POTEF: variants seen among roughly 807,000 people sequenced by gnomAD.
POTEF encodes the protein POTE ankyrin domain family member F.
In POTEF, 20 loss-of-function variants were observed where a neutral mutation model predicts 83.2. The observed-to-expected ratio is 0.24, with a 90% CI of 0.17 to 0.35. The LOEUF (loss-of-function observed/expected upper bound fraction) is 0.35. POTEF is among the 10% of genes least tolerant of loss of function. The probability of loss-of-function intolerance (pLI) is 1.00; values close to 1 mark genes in which losing one functional copy is unlikely to be tolerated. For synonymous variants in POTEF, 196 were observed against 446.4 expected, an observed-to-expected ratio of 0.44 and a Z score of 7.07; for missense variants, 550 against 1,203.2, an observed-to-expected ratio of 0.46 and a Z score of 8.03.
chr2:130,108,900 T>C (rs1684624333), intron 7 of POTEF, among the ~76,000 whole-genome samples: 1 of 151,148 alleles, frequency 6.6e-6, no homozygotes, highest in South Asian at 2.1e-4. Context: ...GTTAGGATAA[T>C]GCTTTATATT....
chr2:130,128,373 C>T (rs1392470959), intron 1 of POTEF, among the ~76,000 whole-genome samples: 1 of 151,884 alleles, frequency 6.6e-6, no homozygotes. Flanking sequence ...AAGAGTCACC[C>T]GAAGGAGCAA....
At chr2:130,123,260 C>CTG (rs886433791) in intron 2 of POTEF, among the ~76,000 whole-genome samples, 1 of 146,832 alleles carries the variant, frequency 6.8e-6, no homozygotes, top group African/African-American at 2.6e-5. Flanking sequence ...TGACTTTGAA[C>CTG]TGTGGTCTCT....
At chr2:130,126,094 G>A (rs1480807927) in intron 2 of POTEF, among the ~76,000 whole-genome samples, 1 of 149,926 alleles carries the variant, frequency 6.7e-6, no homozygotes, top group Non-Finnish European at 1.5e-5. Flanking sequence ...ACTTGAAGTC[G>A]GGAGTTCAAG....
rs577726006 is a variant in POTEF at position 130,103,162 on chromosome 2, G to A, written c.1127-982C>T. Among the ~76,000 whole-genome samples, 338 of 144,290 alleles carry A rather than the reference G, an allele frequency of 2.3e-3. 10 individuals carry two copies. Among genetic ancestry groups the A allele is most frequent in the African/African-American group, 8.1e-3 (302 of 37,294 alleles). The allele number at this position is 144,290 out of a possible 152,430, so 94.7% of individuals were successfully genotyped here. A position where few individuals can be genotyped will look rare whatever the true frequency, so the allele number is the denominator to read the frequency against. Reference sequence around the variant, plus strand: ...TGTCACCAGGCTGGAGTGCAGTGGCGCAATCTCAGCTCACTGCAACCTCTG... The same window carrying A: ...TGTCACCAGGCTGGAGTGCAGTGGCACAATCTCAGCTCACTGCAACCTCTG... On this transcript the variant is annotated intron_variant, in intron 8 of 16. Coordinates refer to ENST00000409914, the MANE Select transcript of POTEF (RefSeq NM_001099771.2).
intron 7 of POTEF, chr2:130,109,557 G>A (rs1186177420): frequency 1.3e-5 from 2 of 151,344 alleles, no homozygotes; most frequent in African/African-American, 2.5e-5. Flanking sequence ...AGGTTCATAC[G>A]GGACTTTCTA....
At chr2:130,103,567 C>T (rs1466524171) in intron 8 of POTEF, among the ~76,000 whole-genome samples, 1 of 142,140 alleles carries the variant, frequency 7.0e-6, no homozygotes, top group Admixed American at 7.3e-5. Flanking sequence ...ATGTCTGTCC[C>T]GTCTGCTCCA....
At chr2:130,101,208 T>C (rs1241576104) in intron 9 of POTEF, among the ~76,000 whole-genome samples, 1 of 146,146 alleles carries the variant, frequency 6.8e-6, no homozygotes, top group African/African-American at 2.7e-5. Context: ...GTAGGCACCA[T>C]TTAAATTATT....
At chr2:130,117,390 G>T (rs1684870638) in intron 3 of POTEF, among the ~76,000 whole-genome samples, 1 of 151,712 alleles carries the variant, frequency 6.6e-6, no homozygotes, top group Admixed American at 6.6e-5. Flanking sequence ...TCTTCCCAAG[G>T]ATTATTGCAT....
chr2:130,120,803 C>A (rs1684983567), intron 2 of POTEF, 195 bp from the exon 3 acceptor site: 2 of 542,264 alleles, frequency 3.7e-6, no homozygotes, highest in East Asian at 6.5e-5. Context: ...CAAGGGAATG[C>A]CAAACCCAGC....
At chr2:130,121,014 C>CCG in intron 2 of POTEF, 1 of 221,246 alleles carries the variant, frequency 4.5e-6, no homozygotes, top group African/African-American at 3.0e-5. Context: ...TACGCGCGTG[C>CCG]GGCGTGCGCG....
intron 5 of POTEF, among the ~76,000 whole-genome samples, chr2:130,113,920 CAT>C (rs1329070652): frequency 1.3e-5 from 2 of 151,900 alleles, no homozygotes; most frequent in Non-Finnish European, 1.5e-5. Flanking sequence ...GAAAACACCA[CAT>C]GATTTTCCCC....
At chr2:130,111,409 T>C (rs1194135090) in intron 6 of POTEF, among the ~76,000 whole-genome samples, 1 of 151,804 alleles carries the variant, frequency 6.6e-6, no homozygotes, top group Non-Finnish European at 1.5e-5. Flanking sequence ...ACTCCCTCTC[T>C]CCATACCAAT....
intron 8 of POTEF, among the ~76,000 whole-genome samples, chr2:130,107,336 G>A (rs878867170): frequency 6.6e-6 from 1 of 151,030 alleles, no homozygotes; most frequent in Admixed American, 6.6e-5. Context: ...AATGAAGTCA[G>A]TAATAGTGAG....
chr2:130,127,364 C>G (rs1241183022), intron 2 of POTEF, among the ~76,000 whole-genome samples: 1 of 138,988 alleles, frequency 7.2e-6, no homozygotes, highest in Non-Finnish European at 1.5e-5. Flanking sequence ...CACACACACA[C>G]ACACACAGTC....
chr2:130,104,946 A>G (rs1419317119), intron 8 of POTEF, among the ~76,000 whole-genome samples: 2 of 151,116 alleles, frequency 1.3e-5, no homozygotes, highest in Non-Finnish European at 2.9e-5. Context: ...TGAATTTTCC[A>G]TTAAACGTGC....
intron 3 of POTEF, among the ~76,000 whole-genome samples, chr2:130,118,092 C>T (rs1351504177): frequency 6.6e-6 from 1 of 151,748 alleles, no homozygotes; most frequent in Non-Finnish European, 1.5e-5. Flanking sequence ...AGGTGCGTGC[C>T]ACCATGCCCA....
Position 130,075,030 on chromosome 2 carries a change from G to A in POTEF, c.2442C>T (p.Ala814=), listed in dbSNP as rs868140472. The change falls in exon 17 of 17, where the codon GCC becomes GCT. Residue 814 remains alanine (A), a synonymous_variant. Transcript: ENST00000409914. ...LLTEATLNPK[A]NREKMTQIMF... is the part of the protein sequence containing the mutation. ...TGATCTGGGTCATCTTCTCGCGGTT[G>A]GCCTTAGGGTTCAGGGTGGCCTCGG... 6.2e-7 allele frequency: 1 copy of A among 1,613,728 alleles called. No homozygotes were observed. Among genetic ancestry groups the A allele is most frequent in the Non-Finnish European group, 8.5e-7 (1 of 1,179,940 alleles).
chr2:130,083,343 A>AG (rs1683942136), intron 15 of POTEF, among the ~76,000 whole-genome samples: 1 of 152,226 alleles, frequency 6.6e-6, no homozygotes, highest in Non-Finnish European at 1.5e-5. Flanking sequence ...TTAAAAAAAA[A>AG]AAAATTATGA....
At chr2:130,085,493 T>C in intron 15 of POTEF, among the ~76,000 whole-genome samples, 1 of 81,022 alleles carries the variant, frequency 1.2e-5, no homozygotes, top group Non-Finnish European at 2.4e-5. Flanking sequence ...GGTGAAATAA[T>C]CTGTACCCCA....
Sources: allele counts gnomAD v4.1 joint callset (sites outside exome capture counted in the v4.1 genomes callset), GRCh38; gene constraint gnomAD v4.1.1; transcripts MANE v1.5; gene names NCBI Gene and HGNC (gene_info 2026-07-23, HGNC 2026-07-21).